SYT13: variants seen among roughly 807,000 people sequenced by gnomAD.
SYT13 encodes synaptotagmin 13.
Under a neutral mutation model 38.6 loss-of-function variants are expected in SYT13, and 21 were observed. That is an observed-to-expected ratio of 0.54 (90% CI 0.39 to 0.78). The LOEUF (loss-of-function observed/expected upper bound fraction) is 0.78, where lower values mean the gene tolerates loss of function less well. Ranked by LOEUF, SYT13 falls within the 30% of genes least tolerant of loss-of-function variation. The pLI is 0.00. For missense variants in SYT13, 495 were observed against 548.7 expected (o/e 0.90, Z 0.98); for synonymous variants, 241 against 237.6 (o/e 1.01, Z -0.13).
intron 1 of SYT13, among the ~76,000 whole-genome samples, chr11:45,257,991 A>G (rs1027285656): frequency 4.6e-5 from 7 of 152,242 alleles, no homozygotes; most frequent in African/African-American, 1.7e-4. Context: ...GAAACACTGC[A>G]CAGTAGATTA....
Position 45,286,067 on chromosome 11 carries a change from G to A in SYT13, c.141C>T (p.Asp47=). ...KGLLPRDQDP[D]LEKAKPSLLG... is the part of the protein sequence containing the mutation. The stretch of plus-strand genomic sequence containing the variant: ...GCAAGCTGGGCTTCGCCTTCTCCAG[G>A]TCGGGGTCCTGGTCCCGCGGCAGCA... The change falls in exon 1 of 6, where the codon GAC becomes GAT. Residue 47 remains aspartate, a synonymous_variant. Coordinates refer to ENST00000020926, the MANE Select transcript of SYT13 (RefSeq NM_020826.3). The A allele has an allele frequency of 1.2e-6, 2 of 1,609,758 alleles. No homozygotes were observed. The highest frequency in any genetic ancestry group is 2.7e-5 in the African/African-American group (2 of 75,036).
chr11:45,244,020 C>T lies in SYT13; in HGVS notation c.*32G>A. On this transcript the variant is annotated 3_prime_UTR_variant, in exon 6 of 6. Coordinates refer to ENST00000020926, the MANE Select transcript of SYT13 (RefSeq NM_020826.3). ...GGAGGTTGCAGAGGACGGGTCAGGG[C>T]TGTCCAAGAAGGGAGGCAGCTGGGC... 1 of 1,566,998 alleles carries T rather than the reference C, an allele frequency of 6.4e-7. No homozygotes were observed. Among genetic ancestry groups the T allele is most frequent in the Non-Finnish European group, 8.6e-7 (1 of 1,160,590 alleles).
chr11:45,266,831 C>G (rs80099631), intron 1 of SYT13, among the ~76,000 whole-genome samples: 3,672 of 152,280 alleles, frequency 0.024, 156 homozygotes, highest in African/African-American at 0.085. Context: ...CAATTGTGTC[C>G]TAGCAGATAC....
At chr11:45,274,536 G>C (rs1270180951) in intron 1 of SYT13, among the ~76,000 whole-genome samples, 5 of 152,196 alleles carry the variant, frequency 3.3e-5, no homozygotes, top group Non-Finnish European at 7.3e-5. Context: ...AAGTGACTGT[G>C]CTGGAAATCA....
chr11:45,256,555 A>G (rs1854749702), intron 1 of SYT13, among the ~76,000 whole-genome samples: 1 of 151,752 alleles, frequency 6.6e-6, no homozygotes, highest in Admixed American at 6.6e-5. Flanking sequence ...TCTAAATTAA[A>G]TCCCTCCCCC....
chr11:45,271,748 GAC>G, intron 1 of SYT13, among the ~76,000 whole-genome samples: 1 of 152,204 alleles, frequency 6.6e-6, no homozygotes, highest in Admixed American at 6.5e-5. Context: ...CCAACCTGGA[GAC>G]ACAGAGACAC....
At chr11:45,281,186 ACT>A (rs1419501514) in intron 1 of SYT13, among the ~76,000 whole-genome samples, 22 of 145,116 alleles carry the variant, frequency 1.5e-4, no homozygotes, top group Admixed American at 1.2e-3. Flanking sequence ...ACAGAGCAAG[ACT>A]CTGTCTCAAA....
intron 1 of SYT13, among the ~76,000 whole-genome samples, chr11:45,279,847 T>A (rs1051115578): frequency 6.6e-6 from 1 of 151,238 alleles, no homozygotes; most frequent in Non-Finnish European, 1.5e-5. Flanking sequence ...GTTCCAGGAG[T>A]GGGGTTAGCA....
chr11:45,269,010 C>A (rs775219360), intron 1 of SYT13, among the ~76,000 whole-genome samples: 6 of 152,014 alleles, frequency 3.9e-5, no homozygotes, highest in Non-Finnish European at 7.4e-5. Context: ...AGTAAAACAC[C>A]AGGCAGAGTC....
rs374986647 is a variant in SYT13, at chr11:45,275,104, A to G, written c.183+10921T>C. Among the ~76,000 whole-genome samples, 10 of 152,186 alleles carry G rather than the reference A, an allele frequency of 6.6e-5. No individual in the cohort carries two copies. In the South Asian group the frequency reaches 1.5e-3, roughly 22 times the overall value. Reference sequence around the variant, plus strand: ...TGTGCCTGTGGTTTTCATTTTGGCTACAAGCAGAGGTGGCAGCCCCACAGA... The same window carrying G: ...TGTGCCTGTGGTTTTCATTTTGGCTGCAAGCAGAGGTGGCAGCCCCACAGA... On this transcript the variant is annotated intron_variant, in intron 1 of 5. Transcript: ENST00000020926.
At chr11:45,279,900 T>C (rs945563184) in intron 1 of SYT13, among the ~76,000 whole-genome samples, 3 of 152,080 alleles carry the variant, frequency 2.0e-5, no homozygotes, top group African/African-American at 7.2e-5. Flanking sequence ...AGGGGAGACT[T>C]CAGGAGAAAA....
intron 1 of SYT13, 26 bp downstream of exon 1, chr11:45,285,999 A>T (rs762959155): frequency 6.3e-7 from 1 of 1,595,396 alleles, no homozygotes; most frequent in South Asian, 1.1e-5. Context: ...TTGCCCGGGA[A>T]GGGCCTGCGC....
intron 1 of SYT13, among the ~76,000 whole-genome samples, chr11:45,278,167 C>T (rs1855031843): frequency 6.6e-6 from 1 of 152,166 alleles, no homozygotes; most frequent in Admixed American, 6.5e-5. Context: ...TATAGAATCT[C>T]TTAGTTCTTA....
intron 1 of SYT13, among the ~76,000 whole-genome samples, chr11:45,269,986 A>G (rs1854930054): frequency 6.6e-6 from 1 of 152,238 alleles, no homozygotes. Flanking sequence ...AAAGGTCAGT[A>G]ATCTGGACTT....
At chr11:45,258,855 A>AT (rs1854779771) in intron 1 of SYT13, among the ~76,000 whole-genome samples, 1 of 152,110 alleles carries the variant, frequency 6.6e-6, no homozygotes, top group Non-Finnish European at 1.5e-5. Context: ...GCGATGACTA[A>AT]TGTCCCCGTC....
intron 1 of SYT13, among the ~76,000 whole-genome samples, chr11:45,277,761 A>G (rs1433880425): frequency 2.0e-5 from 3 of 152,142 alleles, no homozygotes. Flanking sequence ...CTCTTTAGGA[A>G]AGCTTTCATC....
At chr11:45,267,630 G>A (rs780191811) in intron 1 of SYT13, among the ~76,000 whole-genome samples, 3 of 151,980 alleles carry the variant, frequency 2.0e-5, no homozygotes, top group Admixed American at 6.5e-5. Context: ...CTCAGAGTCC[G>A]CTCAGCTCCC....
intron 1 of SYT13, chr11:45,285,728 G>T: frequency 1.6e-6 from 1 of 637,918 alleles, no homozygotes; most frequent in Non-Finnish European, 2.9e-6. Flanking sequence ...TCTTATCCAG[G>T]TCCCCTTTCC....
chr11:45,244,488 C>T (rs770927952), intron 5 of SYT13, 132 bp from the exon 6 acceptor site: 6 of 1,097,962 alleles, frequency 5.5e-6, no homozygotes, highest in Non-Finnish European at 7.6e-6. Context: ...ATCTGTGCCC[C>T]ATATACCCAA....
Sources: allele counts gnomAD v4.1 joint callset (sites outside exome capture counted in the v4.1 genomes callset), GRCh38; gene constraint gnomAD v4.1.1; transcripts MANE v1.5; gene names NCBI Gene and HGNC (gene_info 2026-07-23, HGNC 2026-07-21).